The following CSMD1 variants were observed in gnomAD, a reference collection of about 807,000 sequenced individuals.
CSMD1 encodes CUB and sushi domain-containing protein 1.
A neutral mutation model predicts 417.5 loss-of-function variants in CSMD1; 213 were observed. The observed-to-expected ratio is 0.51, with a 90% CI of 0.46 to 0.57. CSMD1 has a LOEUF of 0.57. Ranked by LOEUF, CSMD1 falls within the 20% of genes least tolerant of loss-of-function variation. The pLI, the probability that CSMD1 is intolerant of heterozygous loss-of-function variation, is 0.00. For missense variants in CSMD1, 6,923 were observed against 4,529.7 expected, an observed-to-expected ratio of 1.53 and a Z score of -15.17; for synonymous variants, 2,862 against 1,736.8, an observed-to-expected ratio of 1.65 and a Z score of -16.11.
intron 5 of CSMD1, among the ~76,000 whole-genome samples, chr8:3,864,092 T>A (rs955685700): frequency 4.6e-5 from 7 of 152,274 alleles, no homozygotes; most frequent in Non-Finnish European, 8.8e-5. Flanking sequence ...CATACAATAT[T>A]TTCACCTGAT....
intron 6 of CSMD1, among the ~76,000 whole-genome samples, chr8:3,722,168 G>A (rs527644380): frequency 5.3e-5 from 8 of 152,246 alleles, no homozygotes; most frequent in East Asian, 3.9e-4. Context: ...AATTAGCTGG[G>A]CATGGTGGCT....
At chr8:3,769,953 G>A (rs1302732788) in intron 5 of CSMD1, among the ~76,000 whole-genome samples, 1 of 152,192 alleles carries the variant, frequency 6.6e-6, no homozygotes, top group Non-Finnish European at 1.5e-5. Flanking sequence ...GCTTTGGGAA[G>A]AAGCCTTTGA....
intron 3 of CSMD1, among the ~76,000 whole-genome samples, chr8:4,080,511 G>C (rs934161836): frequency 6.6e-5 from 10 of 152,152 alleles, no homozygotes; most frequent in African/African-American, 2.4e-4. Flanking sequence ...TGCAAAAGAA[G>C]ATACTGATCA....
At chr8:3,927,311 T>C (rs17068023) in intron 5 of CSMD1, among the ~76,000 whole-genome samples, 30,715 of 151,894 alleles carry the variant, frequency 0.2, 3,340 homozygotes, top group East Asian at 0.35. Context: ...ATGAAAATTA[T>C]TCTGACTTTA....
Position 2,997,438 on chromosome 8 carries a change from T to C in CSMD1, c.8377+573A>G, listed in dbSNP as rs1193571374. Among the ~76,000 whole-genome samples the C allele has an allele frequency of 2.6e-5, 4 of 152,268 alleles. No homozygotes were observed. The East Asian group carries it at 5.8e-4, about 22-fold the overall frequency. On this transcript the variant is annotated intron_variant, in intron 54 of 69. Coordinates refer to ENST00000635120, the MANE Select transcript of CSMD1 (RefSeq NM_033225.6). ...TGGCTTCAATTTCATCTTAATACCA[T>C]AAAAAATACTTGCCCTTCACACTAA...
At chr8:4,974,751 T>C (rs559596616) in intron 1 of CSMD1, among the ~76,000 whole-genome samples, 11 of 152,278 alleles carry the variant, frequency 7.2e-5, no homozygotes, top group African/African-American at 2.6e-4. Flanking sequence ...AATATCTGAC[T>C]AGAAGGTGAT....
chr8:4,135,638 T>C (rs1803383520), intron 3 of CSMD1, among the ~76,000 whole-genome samples: 1 of 152,092 alleles, frequency 6.6e-6, no homozygotes, highest in African/African-American at 2.4e-5. Flanking sequence ...CAAAGATGTT[T>C]GGGATAATAT....
chr8:4,333,235 T>A (rs1799977337), intron 3 of CSMD1, among the ~76,000 whole-genome samples: 1 of 152,138 alleles, frequency 6.6e-6, no homozygotes, highest in African/African-American at 2.4e-5. Flanking sequence ...CCCTGCCTAG[T>A]GACCCTGGAC....
At chr8:4,128,989 T>C (rs4602908) in intron 3 of CSMD1, among the ~76,000 whole-genome samples, 1 of 149,494 alleles carries the variant, frequency 6.7e-6, no homozygotes, top group Admixed American at 6.7e-5. Flanking sequence ...GGCAGGAGAG[T>C]TGCTTGAACC....
At chr8:4,211,029 ATT>A (rs1229047755) in intron 3 of CSMD1, among the ~76,000 whole-genome samples, 1 of 152,202 alleles carries the variant, frequency 6.6e-6, no homozygotes, top group Non-Finnish European at 1.5e-5. Context: ...TTTCAAAAAT[ATT>A]TTAAAATACA....
intron 1 of CSMD1, among the ~76,000 whole-genome samples, chr8:4,734,830 C>T (rs138209179): frequency 6.6e-6 from 1 of 152,092 alleles, no homozygotes; most frequent in Admixed American, 6.6e-5. Flanking sequence ...TCAGTCTTGG[C>T]TCTGTGGACT....
chr8:3,730,033 T>C (rs1321896116), intron 6 of CSMD1, among the ~76,000 whole-genome samples: 1 of 149,836 alleles, frequency 6.7e-6, no homozygotes, highest in African/African-American at 2.5e-5. Flanking sequence ...GTCGAAGCGC[T>C]GCAAGTGTTT....
intron 18 of CSMD1, among the ~76,000 whole-genome samples, chr8:3,379,299 T>C (rs1396280126): frequency 6.6e-6 from 1 of 152,164 alleles, no homozygotes; most frequent in Admixed American, 6.5e-5. Flanking sequence ...GAAAAATGAA[T>C]ATTGTGAAAA....
At chr8:3,533,815 C>CT (rs973290182) in intron 10 of CSMD1, among the ~76,000 whole-genome samples, 2 of 152,140 alleles carry the variant, frequency 1.3e-5, no homozygotes, top group Non-Finnish European at 2.9e-5. Context: ...TGAAAGTTCA[C>CT]TTTTTTTCTC....
At chr8:4,032,186 A>C in intron 3 of CSMD1, 87 bp from the exon 4 acceptor site, 1 of 905,118 alleles carries the variant, frequency 1.1e-6, no homozygotes, top group Non-Finnish European at 1.6e-6. Context: ...ACCATTTTTG[A>C]ATTATTAAAA....
chr8:3,478,015 A>C (rs1817527294), intron 11 of CSMD1, among the ~76,000 whole-genome samples: 1 of 152,182 alleles, frequency 6.6e-6, no homozygotes, highest in African/African-American at 2.4e-5. Context: ...ACTGAAGATA[A>C]TTCATACATA....
intron 2 of CSMD1, among the ~76,000 whole-genome samples, chr8:4,534,266 G>A (rs932282290): frequency 3.9e-5 from 6 of 152,152 alleles, no homozygotes; most frequent in Admixed American, 6.5e-5. Flanking sequence ...GCTGAAGGAC[G>A]CCCAAGGATG....
At chr8:4,102,235 T>C (rs931098332) in intron 3 of CSMD1, among the ~76,000 whole-genome samples, 9 of 152,230 alleles carry the variant, frequency 5.9e-5, no homozygotes, top group African/African-American at 1.7e-4. Context: ...CTTGCCCTTC[T>C]GTAATGTTTT....
intron 12 of CSMD1, among the ~76,000 whole-genome samples, chr8:3,431,722 C>G (rs148273946): frequency 3.0e-4 from 45 of 152,318 alleles, no homozygotes; most frequent in African/African-American, 1.0e-3. Flanking sequence ...CACATCACAT[C>G]TCTCACTTTA....
Sources: gnomAD v4.1 joint callset for allele counts (sites outside exome capture counted in the v4.1 genomes callset) on GRCh38, gnomAD v4.1.1 for gene constraint, MANE v1.5 for transcripts, NCBI Gene and HGNC (gene_info 2026-07-23, HGNC 2026-07-21) for gene names.